HPN: variants seen among roughly 807,000 people sequenced by gnomAD.
The protein encoded by HPN is hepsin.
HPN carries 13 observed loss-of-function variants against 55.9 expected under a neutral mutation model. The observed-to-expected ratio is 0.23, with a 90% CI of 0.15 to 0.37. HPN has a LOEUF of 0.37. Among genes scored for constraint, HPN ranks in the 10% least tolerant of loss-of-function variants. The pLI is 1.00. For missense variants in HPN, 451 were observed against 575.8 expected (o/e 0.78, Z 2.22); for synonymous variants, 225 against 240.3 (o/e 0.94, Z 0.59).
Position 35,065,246 on chromosome 19 carries a change from A to G in HPN, c.812-4A>G. On this transcript the variant is annotated splice_region_variant and splice_polypyrimidine_tract_variant and intron_variant, in intron 9 of 12. Coordinates refer to ENST00000672452, the MANE Select transcript of HPN (RefSeq NM_001384133.1). ...GGGCTGGACCAGCATTGTCTCTCTC[A>G]CAGAATACATCCAGCCTGTGTGCCT... 1 of 1,609,956 alleles carries G rather than the reference A, an allele frequency of 6.2e-7. No homozygotes were observed. Among genetic ancestry groups the G allele is most frequent in the Non-Finnish European group, 8.5e-7 (1 of 1,177,264 alleles).
intron 2 of HPN, among the ~76,000 whole-genome samples, chr19:35,045,041 G>A (rs1478880771): frequency 3.9e-5 from 6 of 152,064 alleles, no homozygotes; most frequent in Non-Finnish European, 5.9e-5. Flanking sequence ...GAATATACTT[G>A]GGGAGACATT....
intron 4 of HPN, among the ~76,000 whole-genome samples, chr19:35,058,019 G>A (rs1013373067): frequency 1.5e-4 from 23 of 151,394 alleles, no homozygotes; most frequent in African/African-American, 5.4e-4. Flanking sequence ...TGGGCATGGT[G>A]GTGCATGTCT....
intron 4 of HPN, among the ~76,000 whole-genome samples, chr19:35,057,899 G>A (rs940001751): frequency 2.0e-5 from 3 of 151,678 alleles, no homozygotes; most frequent in Non-Finnish European, 2.9e-5. Context: ...ACCTATAATC[G>A]CAGCACTTTG....
In HPN at chr19:35,065,334, C is replaced by T. The variant is rs190934128; in HGVS notation, c.896C>T (p.Thr299Met). ...KICTVTGWGN[T>M]QYYGQQAGVL... ...TGTACCGTGACGGGCTGGGGCAACA[C>T]GCAGTACTATGGTGAGTCCTGTCCT... Residue 299 changes from threonine (T) to methionine (M), a missense_variant, in exon 10 of 13, where the codon ACG (threonine) becomes ATG (methionine). Coordinates refer to ENST00000672452, the MANE Select transcript of HPN (RefSeq NM_001384133.1). 1.2e-4 allele frequency: 193 copies of T among 1,613,514 alleles called. 1 individual carries two copies. The East Asian group carries it at 2.4e-3, about 20-fold the overall frequency.
intron 4 of HPN, chr19:35,059,467 G>A (rs376512501): frequency 1.7e-5 from 12 of 711,302 alleles, no homozygotes; most frequent in East Asian, 1.7e-4. Flanking sequence ...GGGCAACAGA[G>A]CGAGACCCTG....
At position 35,066,223 on chromosome 19, in the gene HPN, G is replaced by A. The variant is rs751666408; in HGVS notation, c.1216-26G>A. 30 of 1,613,858 alleles carry A rather than the reference G, an allele frequency of 1.9e-5. No homozygotes were observed. In the South Asian group the frequency reaches 2.1e-4, roughly 11 times the overall value. On this transcript the variant is annotated intron_variant, in intron 12 of 12. Coordinates refer to ENST00000672452, the MANE Select transcript of HPN (RefSeq NM_001384133.1). ...GGGACGTGGAAGCCTCTCAGACCTC[G>A]GGAGCCCCCAGCTGTCTTTCCCCAG...
chr19:35,054,417 CAA>C (rs539679133), intron 4 of HPN, among the ~76,000 whole-genome samples: 31 of 103,072 alleles, frequency 3.0e-4, no homozygotes, highest in African/African-American at 9.5e-4. Context: ...GATTATGTCT[CAA>C]AAAAAAAAAA....
Position 35,062,372 on chromosome 19 carries a change from A to C in HPN, c.811+1555A>C, listed in dbSNP as rs73597486. On this transcript the variant is annotated intron_variant, in intron 9 of 12. Coordinates refer to ENST00000672452, the MANE Select transcript of HPN (RefSeq NM_001384133.1). ...TTGTCTAATATGTGAATAGTAGTTC[A>C]ATCAAGCTGTTACCAAAAAACTAAT... Among the ~76,000 whole-genome samples the C allele has an allele frequency of 6.5e-3, 988 of 152,042 alleles. 14 individuals carry two copies. Among genetic ancestry groups the C allele is most frequent in the African/African-American group, 0.023 (959 of 41,486 alleles).
In HPN at chr19:35,042,794, TGG is replaced by T. The variant is rs2064307312; in HGVS notation, c.16+273_16+274del. On this transcript the variant is annotated intron_variant, in intron 2 of 12. Coordinates refer to ENST00000672452, the MANE Select transcript of HPN (RefSeq NM_001384133.1). Reference sequence around the variant, plus strand: ...CCCCCAGTGATTTCTCAGCTAACTCTGGACTTGTCCTCTGCTGGGGCTGAGGC... The same window carrying T: ...CCCCCAGTGATTTCTCAGCTAACTCTACTTGTCCTCTGCTGGGGCTGAGGC... Among the ~76,000 whole-genome samples the T allele has an allele frequency of 3.3e-5, 5 of 152,340 alleles. No individual in the cohort carries two copies. In the South Asian group the frequency reaches 1.0e-3, roughly 32 times the overall value.
chr19:35,060,802 C>T lies in HPN; in HGVS notation c.796C>T (p.Pro266Ser). 1 of 1,585,426 alleles carries T rather than the reference C, an allele frequency of 6.3e-7. No individual in the cohort carries two copies. The highest frequency in any genetic ancestry group is 8.6e-7 in the Non-Finnish European group (1 of 1,164,486). ...TATTGCCCTGGTCCACCTCTCCAGT[C>T]CCCTGCCCCTCACAGGTAAGTCTAA... ...NDIALVHLSSPLPLTEYIQPV... is the reference protein window; with the variant it reads ...NDIALVHLSSSLPLTEYIQPV... Residue 266 changes from proline (P) to serine (S), a missense_variant, in exon 9 of 13, where the codon CCC becomes TCC. By Grantham distance (74) the Pro-to-Ser change is moderately conservative. Coordinates refer to ENST00000672452, the MANE Select transcript of HPN (RefSeq NM_001384133.1).
chr19:35,042,358 A>G, intron 1 of HPN, 95 bp from the exon 2 acceptor site: 1 of 1,453,746 alleles, frequency 6.9e-7, no homozygotes, highest in Non-Finnish European at 9.0e-7. Flanking sequence ...CCCAGTCCCT[A>G]CAGCCTGCCT....
intron 2 of HPN, among the ~76,000 whole-genome samples, 184 bp downstream of exon 2, chr19:35,042,706 C>T (rs1194832042): frequency 2.0e-5 from 3 of 152,168 alleles, no homozygotes; most frequent in Non-Finnish European, 4.4e-5. Context: ...GCAGCTGTGC[C>T]ACCACCAGCC....
chr19:35,054,652 G>T (rs1229346949), intron 4 of HPN, among the ~76,000 whole-genome samples: 1 of 152,164 alleles, frequency 6.6e-6, no homozygotes, highest in African/African-American at 2.4e-5. Context: ...ACCTGATTTC[G>T]AATCCTCTCT....
At chr19:35,049,121 A>C in intron 2 of HPN, 169 bp from the exon 3 acceptor site, 2 of 445,032 alleles carry the variant, frequency 4.5e-6, no homozygotes, top group Non-Finnish European at 7.8e-6. Flanking sequence ...TTCACACGGC[A>C]GGGGAGGAAC....
chr19:35,063,649 C>T (rs12976869), intron 9 of HPN, among the ~76,000 whole-genome samples: 3 of 152,206 alleles, frequency 2.0e-5, no homozygotes, highest in African/African-American at 7.2e-5. Context: ...GTGGAGGTTG[C>T]AGTGAGCCAA....
intron 9 of HPN, among the ~76,000 whole-genome samples, chr19:35,062,201 G>T (rs1318233284): frequency 6.6e-6 from 1 of 152,288 alleles, no homozygotes; most frequent in East Asian, 1.9e-4. Flanking sequence ...GGCAGGGTGG[G>T]AGGTGGGGAT....
intron 2 of HPN, among the ~76,000 whole-genome samples, chr19:35,043,725 T>C (rs544555103): frequency 1.3e-5 from 2 of 152,294 alleles, no homozygotes; most frequent in South Asian, 2.1e-4. Context: ...GGAGAAGGCA[T>C]TGCACCCTAG....
At chr19:35,064,818 TTTTGTTTG>T (rs147455863) in intron 9 of HPN, among the ~76,000 whole-genome samples, 2 of 150,498 alleles carry the variant, frequency 1.3e-5, no homozygotes, top group African/African-American at 2.4e-5. Flanking sequence ...GTTGTGGCTT[TTTTGTTTG>T]TTTGTTTGTT....
At position 35,065,261 on chromosome 19, in the gene HPN, C is replaced by T. The variant is rs770165910; in HGVS notation, c.823C>T (p.Pro275Ser). 1.2e-6 allele frequency: 2 copies of T among 1,612,936 alleles called. No homozygotes were observed. The highest frequency in any genetic ancestry group is 1.7e-5 in the Admixed American group (1 of 59,922). ...SPLPLTEYIQPVCLPAAGQAL... is the reference protein window; with the variant it reads ...SPLPLTEYIQSVCLPAAGQAL... ...TGTCTCTCTCACAGAATACATCCAG[C>T]CTGTGTGCCTCCCAGCTGCCGGCCA... The change falls in exon 10 of 13, where the codon CCT (proline) becomes TCT (serine). Residue 275 changes from proline to serine, a missense_variant. By Grantham distance (74) the Pro-to-Ser change is moderately conservative (BLOSUM62 -1). Coordinates refer to ENST00000672452, the MANE Select transcript of HPN (RefSeq NM_001384133.1).
Sources: gnomAD v4.1 joint callset for allele counts (sites outside exome capture counted in the v4.1 genomes callset) on GRCh38, gnomAD v4.1.1 for gene constraint, MANE v1.5 for transcripts, NCBI Gene and HGNC (gene_info 2026-07-23, HGNC 2026-07-21) for gene names.